The following GALK2 variants were observed in gnomAD, a reference collection of about 807,000 sequenced individuals.
The protein encoded by GALK2 is galactokinase 2.
Under a neutral mutation model 52.4 loss-of-function variants are expected in GALK2, and 36 were observed. The observed-to-expected ratio is 0.69, with a 90% CI of 0.53 to 0.91. GALK2 has a LOEUF of 0.91. Among genes scored for constraint, GALK2 ranks in the 40% least tolerant of loss-of-function variants. The probability of loss-of-function intolerance (pLI) is 0.00; values close to 1 mark genes in which losing one functional copy is unlikely to be tolerated. For synonymous variants in GALK2, 176 were observed against 199.1 expected (o/e 0.88, Z 0.98); for missense variants, 579 against 559.1 (o/e 1.04, Z -0.36).
chr15:49,252,845 C>A (rs891811723), intron 5 of GALK2, among the ~76,000 whole-genome samples: 3 of 144,618 alleles, frequency 2.1e-5, no homozygotes, highest in Non-Finnish European at 4.7e-5. Context: ...TCTTTTAAAT[C>A]TTTCCTAATC....
At chr15:49,156,223 G>T in intron 1 of GALK2, 1 of 576,868 alleles carries the variant, frequency 1.7e-6, no homozygotes, top group Non-Finnish European at 3.1e-6. Context: ...TGTTCAACGA[G>T]TTGTAAACTG....
chr15:49,210,730 C>T (rs1299545507), intron 2 of GALK2, among the ~76,000 whole-genome samples: 1 of 151,956 alleles, frequency 6.6e-6, no homozygotes, highest in African/African-American at 2.4e-5. Context: ...CGTGAGTCGC[C>T]GTGCCTGGTC....
intron 8 of GALK2, among the ~76,000 whole-genome samples, chr15:49,311,942 G>C (rs2036024705): frequency 6.6e-6 from 1 of 152,240 alleles, no homozygotes; most frequent in Non-Finnish European, 1.5e-5. Context: ...TCTTCAGAGA[G>C]ATCCCTGAGA....
At chr15:49,354,286 C>T (rs7173761) in intron 3 of GALK2, among the ~76,000 whole-genome samples, 63,400 of 151,642 alleles carry the variant, frequency 0.42, 13,320 homozygotes, top group African/African-American at 0.45. Context: ...CAGCTCCCAG[C>T]GTGAGCGACG....
chr15:49,228,688 T>TATATATATATA lies in GALK2; in HGVS notation c.267-7163_267-7162insATATATATATA. 1.8e-3 allele frequency among the ~76,000 whole-genome samples: 19 copies of TATATATATATA among 10,436 alleles called. 1 individual carries two copies. The highest frequency in any genetic ancestry group is 2.0e-3 in the African/African-American group (6 of 2,946). 6.8% of individuals were successfully genotyped at this position (10,436 alleles called of 152,430 possible). ...ATATATATATATATATATATATATA[T>TATATATATATA]TTTTTTTTTTTTTTTTTTTTTTTGC... On this transcript the variant is annotated intron_variant, in intron 3 of 9. Coordinates refer to ENST00000560031, the MANE Select transcript of GALK2 (RefSeq NM_002044.4).
chr15:49,183,839 G>A (rs1198198967), intron 1 of GALK2, among the ~76,000 whole-genome samples: 1 of 131,736 alleles, frequency 7.6e-6, no homozygotes, highest in African/African-American at 2.8e-5. Context: ...ATGAAACTTT[G>A]TCTCAGAAAA....
chr15:49,173,070 C>G (rs1371342533), intron 1 of GALK2, among the ~76,000 whole-genome samples: 2 of 152,194 alleles, frequency 1.3e-5, no homozygotes, highest in South Asian at 2.1e-4. Context: ...TCCCTTTCCC[C>G]TCACCTAGCC....
At chr15:49,309,809 A>C (rs1041282404) in intron 8 of GALK2, among the ~76,000 whole-genome samples, 17 of 151,898 alleles carry the variant, frequency 1.1e-4, no homozygotes, top group Non-Finnish European at 2.2e-4. Flanking sequence ...TAGTAGAGAC[A>C]GGTTTCTCCA....
chr15:49,363,007 G>A (rs994520638), intron 3 of GALK2, among the ~76,000 whole-genome samples: 6 of 152,150 alleles, frequency 3.9e-5, no homozygotes, highest in African/African-American at 1.4e-4. Context: ...TCAGTGCCAT[G>A]CTGTTTTGGT....
chr15:49,289,077 ATTATAGCAGTTT>A (rs747673822), intron 7 of GALK2, among the ~76,000 whole-genome samples: 35 of 152,156 alleles, frequency 2.3e-4, no homozygotes, highest in Non-Finnish European at 4.0e-4. Context: ...GTATTTTTCT[ATTATAGCAGTTT>A]ATCATAATTG....
At chr15:49,312,539 T>C (rs1434986848) in intron 8 of GALK2, among the ~76,000 whole-genome samples, 2 of 152,190 alleles carry the variant, frequency 1.3e-5, no homozygotes, top group African/African-American at 4.8e-5. Flanking sequence ...GACTGAGTCA[T>C]ACTACTGTCC....
chr15:49,328,081 T>C lies in GALK2; in HGVS notation c.1299T>C (p.Asp433=), dbSNP rs1474164646. The change falls in exon 10 of 10, where the codon GAT becomes GAC. Residue 433 remains aspartate (D), a synonymous_variant. Transcript: ENST00000560031. ...NVHKAYYQRS[D]GSLAPEKQSL... ...ACAAAGCTTATTACCAGAGGAGTGATGGAAGCTTAGCACCGGAGAAGCAAA... is the reference window on the plus strand; with the variant it reads ...ACAAAGCTTATTACCAGAGGAGTGACGGAAGCTTAGCACCGGAGAAGCAAA... 6.2e-7 allele frequency: 1 copy of C among 1,613,986 alleles called. No individual in the cohort carries two copies. Among genetic ancestry groups the C allele is most frequent in the Non-Finnish European group, 8.5e-7 (1 of 1,180,002 alleles).
At chr15:49,312,538 AT>A (rs2036077187) in intron 8 of GALK2, among the ~76,000 whole-genome samples, 1 of 152,198 alleles carries the variant, frequency 6.6e-6, no homozygotes, top group African/African-American at 2.4e-5. Flanking sequence ...GGACTGAGTC[AT>A]ACTACTGTCC....
At chr15:49,340,931 A>C (rs1053530065) in intron 3 of GALK2, among the ~76,000 whole-genome samples, 6 of 152,228 alleles carry the variant, frequency 3.9e-5, no homozygotes, top group Non-Finnish European at 8.8e-5. Context: ...ATTTTGAGTT[A>C]ATTTTTGTAT....
chr15:49,217,398 A>G (rs2089465950), intron 3 of GALK2, 85 bp downstream of exon 3: 1 of 1,288,202 alleles, frequency 7.8e-7, no homozygotes, highest in African/African-American at 1.5e-5. Context: ...CAAATTTGTA[A>G]CAGGTCATTT....
At chr15:49,197,573 A>G (rs1017062023) in intron 1 of GALK2, among the ~76,000 whole-genome samples, 6 of 152,182 alleles carry the variant, frequency 3.9e-5, no homozygotes, top group African/African-American at 1.2e-4. Context: ...GCATGAAGGT[A>G]GTTTTATACA....
intron 8 of GALK2, among the ~76,000 whole-genome samples, chr15:49,296,821 G>A (rs933228758): frequency 6.6e-6 from 1 of 152,058 alleles, no homozygotes; most frequent in African/African-American, 2.4e-5. Flanking sequence ...GGCTGGTCTC[G>A]AACTCCTGAC....
chr15:49,236,161 A>G (rs770526500), intron 4 of GALK2, among the ~76,000 whole-genome samples: 9 of 152,184 alleles, frequency 5.9e-5, no homozygotes, highest in Non-Finnish European at 1.2e-4. Flanking sequence ...GCTGTTCATA[A>G]ATAGGTGCAT....
At position 49,316,353 on chromosome 15, in the gene GALK2, C is replaced by A. The variant is rs558357673; in HGVS notation, c.968-3251C>A. Among the ~76,000 whole-genome samples, 40 of 150,828 alleles carry A rather than the reference C, an allele frequency of 2.7e-4. No homozygotes were observed. In the East Asian group the frequency reaches 6.9e-3, roughly 26 times the overall value. On this transcript the variant is annotated intron_variant, in intron 8 of 9. Coordinates refer to ENST00000560031, the MANE Select transcript of GALK2 (RefSeq NM_002044.4). Reference sequence around the variant, plus strand: ...TGGAGGGGAAAAATGAAACCTGAAACTTTAATAAGATTTATTGGTTCAAAC... The same window carrying A: ...TGGAGGGGAAAAATGAAACCTGAAAATTTAATAAGATTTATTGGTTCAAAC...
Sources: allele counts gnomAD v4.1 joint callset (sites outside exome capture counted in the v4.1 genomes callset), GRCh38; gene constraint gnomAD v4.1.1; transcripts MANE v1.5; gene names NCBI Gene and HGNC (gene_info 2026-07-23, HGNC 2026-07-21).